Variants in TRAPPC12 observed in about 807,000 individuals in gnomAD.
The protein encoded by TRAPPC12 is TPR repeat protein 15.
Under a neutral mutation model 69.2 loss-of-function variants are expected in TRAPPC12, and 61 were observed. That is an observed-to-expected ratio of 0.88 (90% CI 0.72 to 1.09). The LOEUF is 1.09. TRAPPC12 is among the 50% of genes least tolerant of loss of function. The pLI, the probability that TRAPPC12 is intolerant of heterozygous loss-of-function variation, is 0.00. For synonymous variants in TRAPPC12, 469 were observed against 438.9 expected (o/e 1.07, Z -0.86); for missense variants, 1,101 against 1,016.4 (o/e 1.08, Z -1.13).
chr2:3,411,341 A>G (rs1481680752), intron 3 of TRAPPC12, among the ~76,000 whole-genome samples: 1 of 152,238 alleles, frequency 6.6e-6, no homozygotes, highest in African/African-American at 2.4e-5. Context: ...GATTTCTGAC[A>G]GGCCAGGACA....
chr2:3,447,535 C>G (rs538451222), intron 6 of TRAPPC12, among the ~76,000 whole-genome samples: 7 of 152,174 alleles, frequency 4.6e-5, no homozygotes, highest in Non-Finnish European at 7.4e-5. Flanking sequence ...ACTAACAGAG[C>G]CAGAACTCAT....
At chr2:3,458,602 G>C in intron 7 of TRAPPC12, 1 of 274,182 alleles carries the variant, frequency 3.6e-6, no homozygotes, top group Non-Finnish European at 5.6e-6. Context: ...GTGCACTTGT[G>C]CACTCTCTTT....
chr2:3,476,910 A>G (rs57981142), intron 9 of TRAPPC12, among the ~76,000 whole-genome samples: 3,055 of 152,358 alleles, frequency 0.02, 104 homozygotes, highest in African/African-American at 0.069. Context: ...CCGGACACAA[A>G]GCAACTCTGT....
intron 6 of TRAPPC12, among the ~76,000 whole-genome samples, chr2:3,447,567 C>T (rs1045897077): frequency 1.3e-5 from 2 of 152,106 alleles, no homozygotes; most frequent in African/African-American, 4.8e-5. Context: ...GGGACGGTAC[C>T]AAGCCACCCA....
intron 2 of TRAPPC12, among the ~76,000 whole-genome samples, chr2:3,391,515 C>T (rs974024252): frequency 2.6e-5 from 4 of 152,158 alleles, no homozygotes; most frequent in South Asian, 2.1e-4. Context: ...GGGTGTTTTA[C>T]GGGCAGTCTT....
chr2:3,409,182 C>T (rs1661899817), intron 3 of TRAPPC12, among the ~76,000 whole-genome samples: 1 of 152,214 alleles, frequency 6.6e-6, no homozygotes, highest in Non-Finnish European at 1.5e-5. Context: ...GCCATCATGT[C>T]CTGCCAGGCC....
chr2:3,468,839 C>T (rs1257710774), intron 9 of TRAPPC12, among the ~76,000 whole-genome samples: 1 of 152,232 alleles, frequency 6.6e-6, no homozygotes, highest in African/African-American at 2.4e-5. Context: ...ACCCTGCTCA[C>T]CCCCAATGCC....
At chr2:3,430,546 G>T (rs1663368277) in intron 5 of TRAPPC12, among the ~76,000 whole-genome samples, 1 of 152,170 alleles carries the variant, frequency 6.6e-6, no homozygotes, top group Non-Finnish European at 1.5e-5. Flanking sequence ...ATTGGTTGAG[G>T]TTCATTCTAT....
At chr2:3,475,260 C>T (rs991357409) in intron 9 of TRAPPC12, among the ~76,000 whole-genome samples, 10 of 142,720 alleles carry the variant, frequency 7.0e-5, no homozygotes, top group African/African-American at 2.2e-4. Flanking sequence ...CTGGTGCTTA[C>T]AGCCACACCT....
At chr2:3,458,276 C>G in intron 7 of TRAPPC12, 8 of 987,004 alleles carry the variant, frequency 8.1e-6, no homozygotes, top group Non-Finnish European at 9.6e-6. Flanking sequence ...AGCAAGCTTC[C>G]GATCATGCTT....
At chr2:3,410,450 A>G (rs1360681439) in intron 3 of TRAPPC12, among the ~76,000 whole-genome samples, 1 of 152,212 alleles carries the variant, frequency 6.6e-6, no homozygotes, top group African/African-American at 2.4e-5. Flanking sequence ...AGAATATGAA[A>G]TCATGGCAAA....
chr2:3,454,304 A>G (rs1160493995), intron 6 of TRAPPC12, among the ~76,000 whole-genome samples: 119 of 92,104 alleles, frequency 1.3e-3, no homozygotes, highest in East Asian at 2.2e-3. Flanking sequence ...TGGTGTCTCC[A>G]TGTCCTACCC....
At chr2:3,403,340 C>G (rs1394003522) in intron 3 of TRAPPC12, among the ~76,000 whole-genome samples, 5 of 148,916 alleles carry the variant, frequency 3.4e-5, no homozygotes, top group African/African-American at 7.5e-5. Flanking sequence ...TCAAGTGATT[C>G]TCCTGCCTCA....
rs545114005 is a variant in TRAPPC12, at chr2:3,458,163, C to T, written c.1603+470C>T. 2.5e-4 allele frequency: 256 copies of T among 1,007,048 alleles called. No individual in the cohort carries two copies. In the African/African-American group the frequency reaches 4.0e-3, roughly 16 times the overall value. 62.4% of individuals were successfully genotyped at this position (1,007,048 alleles called of 1,614,324 possible). A position where few individuals can be genotyped will look rare whatever the true frequency, so the allele number is the denominator to read the frequency against. Reference sequence around the variant, plus strand: ...GGCAGGCTGAGGGACCTGGGCAGTTCCCTGGAGCATTGGAAACCCCTTGGG... The same window carrying T: ...GGCAGGCTGAGGGACCTGGGCAGTTTCCTGGAGCATTGGAAACCCCTTGGG... On this transcript the variant is annotated intron_variant, in intron 7 of 11. Transcript: ENST00000324266.
In TRAPPC12 at chr2:3,414,990, A is replaced by G. The variant is rs1414265267; in HGVS notation, c.1165-6891A>G. 1.3e-5 allele frequency among the ~76,000 whole-genome samples: 2 copies of G among 152,084 alleles called. No homozygotes were observed. The highest frequency in any genetic ancestry group is 2.1e-4 in the South Asian group (1 of 4,824). On this transcript the variant is annotated intron_variant, in intron 3 of 11. Coordinates refer to ENST00000324266, the MANE Select transcript of TRAPPC12 (RefSeq NM_016030.6). The surrounding 1 kb of genome is among the most constrained non-coding windows in gnomAD (Gnocchi z 4.9). ...GGTTGGTTGAATCCACGCGTGTGGA[A>G]CCTGCAGATACGGAGGACCAACCAA...
chr2:3,474,972 G>C (rs73910557), intron 9 of TRAPPC12, among the ~76,000 whole-genome samples: 1,979 of 152,256 alleles, frequency 0.013, 48 homozygotes, highest in African/African-American at 0.045. Flanking sequence ...TTTTCTCGTG[G>C]ATTCGCACAG....
chr2:3,419,038 C>CCCT (rs1662616499), intron 3 of TRAPPC12, among the ~76,000 whole-genome samples: 1 of 152,206 alleles, frequency 6.6e-6, no homozygotes, highest in Admixed American at 6.5e-5. Context: ...GCCCTCTGCT[C>CCCT]CCTGTGCCCC....
intron 6 of TRAPPC12, among the ~76,000 whole-genome samples, chr2:3,451,029 T>C (rs944352268): frequency 1.3e-5 from 2 of 152,194 alleles, no homozygotes; most frequent in Non-Finnish European, 1.5e-5. Flanking sequence ...GATGAGAACA[T>C]AGATTTGGGT....
intron 2 of TRAPPC12, among the ~76,000 whole-genome samples, chr2:3,397,715 A>G (rs1384684604): frequency 6.6e-6 from 1 of 152,238 alleles, no homozygotes; most frequent in African/African-American, 2.4e-5. Context: ...ATGTAGGTGG[A>G]ACTTATTATA....
Sources: allele counts gnomAD v4.1 joint callset (sites outside exome capture counted in the v4.1 genomes callset), GRCh38; gene constraint gnomAD v4.1.1; non-coding constraint Gnocchi (gnomAD v3.1); transcripts MANE v1.5; gene names NCBI Gene and HGNC (gene_info 2026-07-23, HGNC 2026-07-21).